CD86: variants seen among roughly 807,000 people sequenced by gnomAD.
CD86 encodes the protein T-lymphocyte activation antigen CD86.
A neutral mutation model predicts 32.1 loss-of-function variants in CD86; 11 were observed. The observed-to-expected ratio is 0.34, with a 90% CI of 0.22 to 0.57. CD86 has a LOEUF of 0.57. Among genes scored for constraint, CD86 ranks in the 20% least tolerant of loss-of-function variants. The probability of loss-of-function intolerance (pLI) is 0.86; values close to 1 mark genes in which losing one functional copy is unlikely to be tolerated. For synonymous variants in CD86, 137 were observed against 135.3 expected (o/e 1.01, Z -0.09); for missense variants, 359 against 398.4 (o/e 0.90, Z 0.84).
chr3:122,113,732 T>C (rs1304673795), intron 5 of CD86, among the ~76,000 whole-genome samples: 1 of 152,180 alleles, frequency 6.6e-6, no homozygotes, highest in Non-Finnish European at 1.5e-5. Flanking sequence ...CATAACCAGA[T>C]TTATAAAGCA....
intron 1 of CD86, among the ~76,000 whole-genome samples, chr3:122,062,991 G>A (rs998570157): frequency 1.3e-5 from 2 of 152,118 alleles, no homozygotes; most frequent in Non-Finnish European, 2.9e-5. Context: ...GATAAGAGAA[G>A]GGCATGCCAA....
intron 1 of CD86, among the ~76,000 whole-genome samples, chr3:122,078,904 C>T (rs1007947468): frequency 1.1e-4 from 16 of 152,172 alleles, no homozygotes; most frequent in African/African-American, 3.9e-4. Context: ...TTTATGTGCT[C>T]AGACTTGCAG....
chr3:122,113,073 G>A (rs1194747242), intron 5 of CD86, among the ~76,000 whole-genome samples: 1 of 152,086 alleles, frequency 6.6e-6, no homozygotes, highest in Non-Finnish European at 1.5e-5. Context: ...TCATAGTTTA[G>A]CTCCCACTTA....
rs2073046367 is a variant in CD86, at chr3:122,103,697, G to A, written c.250G>A (p.Gly84Ser). ...KFDSVHSKYM[G>S]RTSFDSDSWT... ...TGACAGTGTTCATTCCAAGTATATG[G>A]GCCGCACAAGTTTTGATTCGGACAG... Residue 84 changes from glycine (G) to serine (S), a missense_variant, in exon 3 of 7, where the codon GGC becomes AGC. Transcript: ENST00000330540. 6.2e-7 allele frequency: 1 copy of A among 1,613,986 alleles called. No homozygotes were observed. Among genetic ancestry groups the A allele is most frequent in the South Asian group, 1.1e-5 (1 of 91,074 alleles).
chr3:122,073,401 G>A (rs1416599470), intron 1 of CD86, among the ~76,000 whole-genome samples: 2 of 151,890 alleles, frequency 1.3e-5, no homozygotes, highest in Non-Finnish European at 2.9e-5. Flanking sequence ...AGAGTTCATT[G>A]TGTATTTTGG....
chr3:122,088,241 G>A (rs1169521149), intron 1 of CD86, among the ~76,000 whole-genome samples: 2 of 129,260 alleles, frequency 1.5e-5, no homozygotes, highest in Non-Finnish European at 3.2e-5. Flanking sequence ...TGTTCTCACT[G>A]TCATTTTATA....
At chr3:122,055,575 T>C (rs2072221500) in intron 1 of CD86, 72 bp downstream of exon 1, 6 of 1,408,112 alleles carry the variant, frequency 4.3e-6, no homozygotes, top group Middle Eastern at 1.8e-4. Flanking sequence ...AGGTTGAAGA[T>C]GGTGCTTTGA....
intron 1 of CD86, among the ~76,000 whole-genome samples, chr3:122,074,132 A>T (rs2072525951): frequency 6.6e-6 from 1 of 152,204 alleles, no homozygotes; most frequent in Non-Finnish European, 1.5e-5. Context: ...GGGGAATGAG[A>T]ATATCTACTG....
intron 2 of CD86, among the ~76,000 whole-genome samples, chr3:122,099,833 T>TA (rs2072969322): frequency 1.3e-5 from 2 of 152,228 alleles, no homozygotes; most frequent in African/African-American, 4.8e-5. Context: ...GTGGCTATCA[T>TA]ATTGTTCAGC....
intron 1 of CD86, among the ~76,000 whole-genome samples, chr3:122,089,801 AAT>A (rs578255058): frequency 2.0e-5 from 3 of 152,254 alleles, no homozygotes; most frequent in Non-Finnish European, 2.9e-5. Flanking sequence ...GTGGTCTGGA[AAT>A]ATATATATAT....
At chr3:122,119,174 G>A (rs1041613350) in intron 6 of CD86, among the ~76,000 whole-genome samples, 1 of 152,196 alleles carries the variant, frequency 6.6e-6, no homozygotes, top group African/African-American at 2.4e-5. Context: ...AAATGGTCTG[G>A]AAGAGCCTGC....
chr3:122,098,970 A>G (rs1170073361), intron 2 of CD86, among the ~76,000 whole-genome samples: 1 of 152,228 alleles, frequency 6.6e-6, no homozygotes, highest in Non-Finnish European at 1.5e-5. Flanking sequence ...AGATAGAGAC[A>G]TCCAGCAGGA....
chr3:122,087,566 T>A (rs1016952985), intron 1 of CD86, among the ~76,000 whole-genome samples: 1 of 152,178 alleles, frequency 6.6e-6, no homozygotes, highest in African/African-American at 2.4e-5. Context: ...CACTTGTACT[T>A]CATGAAAGAA....
intron 4 of CD86, among the ~76,000 whole-genome samples, chr3:122,107,033 G>A (rs754147842): frequency 9.2e-5 from 14 of 151,952 alleles, no homozygotes; most frequent in Non-Finnish European, 1.8e-4. Context: ...ATGAAAAACT[G>A]GATTTTTAAA....
chr3:122,090,624 G>C lies in CD86; in HGVS notation c.15-977G>C, dbSNP rs957754597. Among the ~76,000 whole-genome samples the C allele has an allele frequency of 1.7e-4, 25 of 150,310 alleles. 1 individual carries two copies. The highest frequency in any genetic ancestry group is 1.4e-3 in the Admixed American group (21 of 15,188). On this transcript the variant is annotated intron_variant, in intron 1 of 6. Coordinates refer to ENST00000330540, the MANE Select transcript of CD86 (RefSeq NM_175862.5). ...TTCTCATGTTGGTCATCTTTCCTGT[G>C]TATGGCCATACCATCCTGAATGTGC...
At chr3:122,056,094 T>C (rs1473647227) in intron 1 of CD86, among the ~76,000 whole-genome samples, 1 of 152,182 alleles carries the variant, frequency 6.6e-6, no homozygotes, top group Non-Finnish European at 1.5e-5. Flanking sequence ...TTTCATTGAA[T>C]TTTATTCTTC....
intron 5 of CD86, among the ~76,000 whole-genome samples, chr3:122,111,891 G>A (rs185731315): frequency 3.2e-4 from 48 of 152,296 alleles, no homozygotes; most frequent in Non-Finnish European, 4.3e-4. Context: ...GTCCTATCCA[G>A]TGTTTTCTCA....
intron 1 of CD86, among the ~76,000 whole-genome samples, chr3:122,083,712 G>A (rs1418497954): frequency 6.6e-6 from 1 of 152,112 alleles, no homozygotes; most frequent in South Asian, 2.1e-4. Context: ...GTCCAGTTTG[G>A]TAGCCACTGG....
At chr3:122,095,257 C>T (rs1017748156) in intron 2 of CD86, among the ~76,000 whole-genome samples, 17 of 151,668 alleles carry the variant, frequency 1.1e-4, no homozygotes, top group Admixed American at 9.2e-4. Context: ...CGGCAACCCC[C>T]GCCTCCCAGG....
Sources: allele counts gnomAD v4.1 joint callset (sites outside exome capture counted in the v4.1 genomes callset), GRCh38; gene constraint gnomAD v4.1.1; transcripts MANE v1.5; gene names NCBI Gene and HGNC (gene_info 2026-07-23, HGNC 2026-07-21).